The following FAIM2 variants were observed in gnomAD, a reference collection of about 807,000 sequenced individuals.
FAIM2 encodes the protein Fas apoptotic inhibitory molecule 2.
In FAIM2, 27 loss-of-function variants were observed where a neutral mutation model predicts 47.4. The observed-to-expected ratio is 0.57, with a 90% CI of 0.42 to 0.78. The LOEUF (loss-of-function observed/expected upper bound fraction) is 0.78, where lower values mean the gene tolerates loss of function less well. Ranked by LOEUF, FAIM2 falls within the 30% of genes least tolerant of loss-of-function variation. The probability of loss-of-function intolerance (pLI) is 0.00; values close to 1 mark genes in which losing one functional copy is unlikely to be tolerated. For synonymous variants in FAIM2, 156 were observed against 159.3 expected, an observed-to-expected ratio of 0.98 and a Z score of 0.16; for missense variants, 311 against 389.4, an observed-to-expected ratio of 0.80 and a Z score of 1.69.
At chr12:49,882,385 A>T (rs1213779961) in intron 11 of FAIM2, among the ~76,000 whole-genome samples, 4 of 152,108 alleles carry the variant, frequency 2.6e-5, no homozygotes, top group Non-Finnish European at 5.9e-5. Context: ...GGATTTAGTT[A>T]TGGTGCTGGG....
chr12:49,897,639 C>A (rs1185164950), intron 3 of FAIM2, 56 bp from the exon 4 acceptor site: 4 of 1,348,404 alleles, frequency 3.0e-6, no homozygotes, highest in Admixed American at 1.8e-5. Context: ...GACCTGTCAG[C>A]CCCGCAGTGA....
At chr12:49,892,169 C>T (rs1280093096) in intron 5 of FAIM2, among the ~76,000 whole-genome samples, 2 of 152,104 alleles carry the variant, frequency 1.3e-5, no homozygotes, top group Admixed American at 6.5e-5. Context: ...GGTGAGCTCC[C>T]TTGGATCCCT....
intron 1 of FAIM2, chr12:49,903,058 C>G (rs1005174592): frequency 6.6e-6 from 1 of 152,218 alleles, no homozygotes; most frequent in Non-Finnish European, 1.5e-5. Context: ...GTACCCTCCC[C>G]CTTAGCCCCA....
chr12:49,878,807 C>T (rs201382583), intron 11 of FAIM2, among the ~76,000 whole-genome samples: 405 of 28,112 alleles, frequency 0.014, 22 homozygotes, highest in South Asian at 0.095. Context: ...TATATGTGTG[C>T]ATGTGAATGT....
chr12:49,898,099 C>T lies in FAIM2; in HGVS notation c.212-9G>A. 6.2e-7 allele frequency: 1 copy of T among 1,608,060 alleles called. No individual in the cohort carries two copies. The highest frequency in any genetic ancestry group is 8.5e-7 in the Non-Finnish European group (1 of 1,174,512). On this transcript the variant is annotated splice_polypyrimidine_tract_variant and intron_variant, in intron 2 of 11. Transcript: ENST00000320634. ...ATAGCTGGAGCTGCTGCCTGTGTGGCACGTGGAGGAGGAGGACATGAGGGT... is the reference window on the plus strand; with the variant it reads ...ATAGCTGGAGCTGCTGCCTGTGTGGTACGTGGAGGAGGAGGACATGAGGGT...
At chr12:49,889,388 GC>G in intron 9 of FAIM2, 92 bp downstream of exon 9, 2 of 1,225,362 alleles carry the variant, frequency 1.6e-6, no homozygotes, top group Non-Finnish European at 1.2e-6. Context: ...TCTCTCCCCA[GC>G]CCCAGGTCCG....
intron 11 of FAIM2, among the ~76,000 whole-genome samples, chr12:49,877,884 G>GTATACATA (rs576642109): frequency 0.013 from 1,923 of 152,046 alleles, 35 homozygotes; most frequent in African/African-American, 0.043. Context: ...ACATATATGT[G>GTATACATA]TATGTGGGTA....
At chr12:49,884,246 C>T (rs993306613) in intron 11 of FAIM2, among the ~76,000 whole-genome samples, 2 of 147,944 alleles carry the variant, frequency 1.4e-5, no homozygotes, top group Admixed American at 1.3e-4. Flanking sequence ...AAACAAAAAA[C>T]AGAGAGAGAG....
chr12:49,881,544 A>G (rs1294314728), intron 11 of FAIM2, among the ~76,000 whole-genome samples: 2 of 152,104 alleles, frequency 1.3e-5, no homozygotes, highest in African/African-American at 4.8e-5. Context: ...TGCGGCTAGA[A>G]GCCAGCTGCA....
rs1946947190 is a variant in FAIM2, at chr12:49,897,603, T to C, written c.316-20A>G. 1.2e-6 allele frequency: 2 copies of C among 1,606,942 alleles called. No individual in the cohort carries two copies. The highest frequency in any genetic ancestry group is 1.7e-5 in the Admixed American group (1 of 59,738). ...GTAGACCTGGGGGTGGGAGGGGTTC[T>C]ACTCAGCTTGGGGGGCCCTGTTAGG... On this transcript the variant is annotated intron_variant, in intron 3 of 11. Coordinates refer to ENST00000320634, the MANE Select transcript of FAIM2 (RefSeq NM_012306.4).
chr12:49,878,263 T>C (rs1287951386), intron 11 of FAIM2, among the ~76,000 whole-genome samples: 1 of 101,724 alleles, frequency 9.8e-6, no homozygotes, highest in Non-Finnish European at 2.0e-5. Context: ...TGTATGTGCA[T>C]GTGTGTGTCC....
chr12:49,901,397 C>T (rs1946981573), intron 1 of FAIM2, 72 bp from the exon 2 acceptor site: 1 of 1,203,430 alleles, frequency 8.3e-7, no homozygotes, highest in African/African-American at 1.6e-5. Flanking sequence ...TCCTCACCAA[C>T]TCTTCAATTC....
intron 10 of FAIM2, 101 bp downstream of exon 10, chr12:49,889,006 T>C (rs979676920): frequency 7.0e-6 from 6 of 852,418 alleles, no homozygotes; most frequent in Non-Finnish European, 1.2e-5. Flanking sequence ...TGTGGGGCCT[T>C]GGCTCCTGGC....
rs554076319 is a variant in FAIM2, at chr12:49,875,428, T to C, written c.802-4775A>G. 2.0e-3 allele frequency among the ~76,000 whole-genome samples: 296 copies of C among 151,488 alleles called. 1 individual carries two copies. The highest frequency in any genetic ancestry group is 3.2e-3 in the Non-Finnish European group (217 of 67,894). ...GCGCCGACTGGGCTGCAGGAGAGGG[T>C]GAGGGGGTGAGGGAGTGAAGAGAGA... On this transcript the variant is annotated intron_variant, in intron 11 of 11. Coordinates refer to ENST00000320634, the MANE Select transcript of FAIM2 (RefSeq NM_012306.4).
At chr12:49,900,111 G>T in intron 2 of FAIM2, 1 of 904,216 alleles carries the variant, frequency 1.1e-6, no homozygotes, top group South Asian at 1.4e-5. Flanking sequence ...AAAGTGGGCC[G>T]GCGGGTGTGT....
Position 49,903,888 on chromosome 12 carries a change from A to G in FAIM2, c.-96T>C, listed in dbSNP as rs1478247956. ...CTCTTCCTTCCTCCGCGTGGGTTCT[A>G]GCAACATCCACTGCAGCCGGGCCAG... On this transcript the variant is annotated 5_prime_UTR_variant, in exon 1 of 12. Coordinates refer to ENST00000320634, the MANE Select transcript of FAIM2 (RefSeq NM_012306.4). 2 of 1,294,312 alleles carry G rather than the reference A, an allele frequency of 1.5e-6. No homozygotes were observed. Among genetic ancestry groups the G allele is most frequent in the South Asian group, 1.5e-5 (1 of 66,244 alleles). The allele number at this position is 1,294,312 out of a possible 1,614,324, so 80.2% of individuals were successfully genotyped here. A position where few individuals can be genotyped will look rare whatever the true frequency, so the allele number is the denominator to read the frequency against.
At chr12:49,880,494 A>ACG (rs1946809244) in intron 11 of FAIM2, among the ~76,000 whole-genome samples, 1 of 138,816 alleles carries the variant, frequency 7.2e-6, no homozygotes, top group Non-Finnish European at 1.6e-5. Context: ...ATGCATGTGT[A>ACG]TGTGTGTGTA....
intron 6 of FAIM2, 89 bp downstream of exon 6, chr12:49,890,975 C>G: frequency 7.5e-7 from 1 of 1,333,248 alleles, no homozygotes; most frequent in Non-Finnish European, 1.1e-6. Flanking sequence ...CAGGGCTGCA[C>G]AGCTCACTGG....
chr12:49,884,998 C>G (rs1946851757), intron 11 of FAIM2, among the ~76,000 whole-genome samples: 1 of 152,104 alleles, frequency 6.6e-6, no homozygotes, highest in Non-Finnish European at 1.5e-5. Flanking sequence ...TGTGCCAGCC[C>G]GTTAACACCC....
Sources: gnomAD v4.1 joint callset for allele counts (sites outside exome capture counted in the v4.1 genomes callset) on GRCh38, gnomAD v4.1.1 for gene constraint, MANE v1.5 for transcripts, NCBI Gene and HGNC (gene_info 2026-07-23, HGNC 2026-07-21) for gene names.